Variants in NR1D2 observed in about 807,000 individuals in gnomAD.
The protein encoded by NR1D2 is V-erbA-related protein 1-related.
In NR1D2, 25 loss-of-function variants were observed where a neutral mutation model predicts 52.2. The observed-to-expected ratio is 0.48, with a 90% CI of 0.35 to 0.67. The LOEUF is 0.67. Ranked by LOEUF, NR1D2 falls within the 30% of genes least tolerant of loss-of-function variation. The pLI is 0.01. For missense variants in NR1D2, 681 were observed against 707.2 expected, an observed-to-expected ratio of 0.96 and a Z score of 0.42; for synonymous variants, 259 against 230.1, an observed-to-expected ratio of 1.13 and a Z score of -1.14.
At chr3:23,968,262 T>G (rs1427096293) in intron 7 of NR1D2, among the ~76,000 whole-genome samples, 2 of 152,240 alleles carry the variant, frequency 1.3e-5, no homozygotes, top group Non-Finnish European at 2.9e-5. Context: ...CCACTGTTAG[T>G]CTTTAGCTTT....
At chr3:23,955,107 A>C (rs1230287609) in intron 2 of NR1D2, among the ~76,000 whole-genome samples, 2 of 152,232 alleles carry the variant, frequency 1.3e-5, no homozygotes, top group African/African-American at 4.8e-5. Context: ...ACTAGAACTA[A>C]GTCTTGTTTC....
intron 1 of NR1D2, 78 bp downstream of exon 1, chr3:23,945,672 G>A: frequency 1.3e-6 from 1 of 776,726 alleles, no homozygotes. Flanking sequence ...GGGGGCGGCG[G>A]CAGGGGGTGT....
intron 1 of NR1D2, chr3:23,946,165 T>C (rs1344976375): frequency 1.0e-6 from 1 of 984,580 alleles, no homozygotes; most frequent in Non-Finnish European, 1.2e-6. Context: ...AGGCCGCGCG[T>C]GCGCGCCCGC....
At chr3:23,948,855 G>C (rs1705849093) in intron 1 of NR1D2, among the ~76,000 whole-genome samples, 1 of 152,174 alleles carries the variant, frequency 6.6e-6, no homozygotes, top group Non-Finnish European at 1.5e-5. Flanking sequence ...GTCTTCTTGA[G>C]GGTGAAGGAG....
chr3:23,968,156 C>T (rs1000525911), intron 7 of NR1D2, 133 bp downstream of exon 7: 3 of 664,224 alleles, frequency 4.5e-6, no homozygotes, highest in African/African-American at 1.8e-5. Context: ...AATTGTATGA[C>T]CCTGTTATTT....
chr3:23,971,300 C>G lies in NR1D2; in HGVS notation c.1543+3277C>G, dbSNP rs1434219074. Among the ~76,000 whole-genome samples, 6 of 126,142 alleles carry G rather than the reference C, an allele frequency of 4.8e-5. No homozygotes were observed. In the South Asian group the frequency reaches 8.7e-4, roughly 18 times the overall value. 82.8% of individuals were successfully genotyped at this position (126,142 alleles called of 152,430 possible). On this transcript the variant is annotated intron_variant, in intron 7 of 7. Coordinates refer to ENST00000312521, the MANE Select transcript of NR1D2 (RefSeq NM_005126.5). ...TGAATATAATGCTTATATCTCTATACCTATTTTTTTTTTTTTTTTTTTTGA... is the reference window on the plus strand; with the variant it reads ...TGAATATAATGCTTATATCTCTATAGCTATTTTTTTTTTTTTTTTTTTTGA...
At chr3:23,963,512 C>A in intron 5 of NR1D2, 2 of 508,982 alleles carry the variant, frequency 3.9e-6, no homozygotes, top group Non-Finnish European at 5.1e-6. Context: ...TGCGGTGGCG[C>A]GACCTCAGCT....
intron 6 of NR1D2, among the ~76,000 whole-genome samples, chr3:23,967,565 A>G (rs1013254254): frequency 2.6e-5 from 4 of 152,074 alleles, no homozygotes; most frequent in Non-Finnish European, 5.9e-5. Flanking sequence ...GCAGTGAGCC[A>G]AGATCATGCC....
chr3:23,950,991 C>T (rs764348012), intron 1 of NR1D2, among the ~76,000 whole-genome samples: 3 of 150,858 alleles, frequency 2.0e-5, no homozygotes, highest in African/African-American at 7.3e-5. Flanking sequence ...CCGCAACCTC[C>T]GCCTCCCGGG....
At chr3:23,970,371 A>G (rs1423037669) in intron 7 of NR1D2, among the ~76,000 whole-genome samples, 1 of 152,214 alleles carries the variant, frequency 6.6e-6, no homozygotes, top group African/African-American at 2.4e-5. Flanking sequence ...TCAGGATAGG[A>G]ACATGATTTT....
At chr3:23,967,701 A>T in intron 6 of NR1D2, 112 bp from the exon 7 acceptor site, 2 of 790,020 alleles carry the variant, frequency 2.5e-6, no homozygotes, top group Admixed American at 2.9e-5. Context: ...TTTTTCTTTT[A>T]TAACTTTCTT....
At position 23,964,811 on chromosome 3, in the gene NR1D2, A is replaced by G. The variant is rs550244071; in HGVS notation, c.1147-166A>G. 9 of 519,870 alleles carry G rather than the reference A, an allele frequency of 1.7e-5. No homozygotes were observed. The South Asian group carries it at 1.9e-4, about 11-fold the overall frequency. The allele number at this position is 519,870 out of a possible 1,614,324, so 32.2% of individuals were successfully genotyped here. A position where few individuals can be genotyped will look rare whatever the true frequency, so the allele number is the denominator to read the frequency against. ...ATATTAGGTTGCCAAGAGGCTTTCT[A>G]CAGTATGGTGGGCAGCAAATGGATG... On this transcript the variant is annotated intron_variant, in intron 5 of 7. Transcript: ENST00000312521.
At chr3:23,975,276 C>A (rs1219165458) in intron 7 of NR1D2, among the ~76,000 whole-genome samples, 1 of 151,050 alleles carries the variant, frequency 6.6e-6, no homozygotes, top group Non-Finnish European at 1.5e-5. Context: ...TGTCACCATG[C>A]CCATTCAATT....
At position 23,977,423 on chromosome 3, in the gene NR1D2, C is replaced by G; in HGVS notation, c.*4C>G. The G allele has an allele frequency of 1.3e-6, 2 of 1,567,744 alleles. No homozygotes were observed. The highest frequency in any genetic ancestry group is 1.7e-6 in the Non-Finnish European group (2 of 1,158,742). On this transcript the variant is annotated 3_prime_UTR_variant, in exon 8 of 8. Transcript: ENST00000312521. ...GGCCTTTAAAGTTCACCCTTAAGGC[C>G]TTTGTTTATTTAAACATGAACTGAT...
chr3:23,961,164 G>A (rs953614974), intron 4 of NR1D2, among the ~76,000 whole-genome samples: 1 of 151,838 alleles, frequency 6.6e-6, no homozygotes, highest in Non-Finnish European at 1.5e-5. Context: ...TTCATAGTTA[G>A]ATCTTGAGAG....
rs1706757102 is a variant in NR1D2 at position 23,977,325 on chromosome 3, C to G, written c.1646C>G (p.Ser549Cys). 1 of 1,613,638 alleles carries G rather than the reference C, an allele frequency of 6.2e-7. No homozygotes were observed. The highest frequency in any genetic ancestry group is 8.5e-7 in the Non-Finnish European group (1 of 1,179,684). ...LIMKNHPNEA[S>C]IFTKLLLKLP... ...ATGAAAAACCATCCAAATGAGGCCT[C>G]TATTTTTACAAAACTGCTTCTAAAG... Residue 549 changes from serine (S) to cysteine (C), a missense_variant, in exon 8 of 8, where the codon TCT (serine) becomes TGT (cysteine). Physicochemically the swap from Ser to Cys is moderately radical, Grantham distance 112. Transcript: ENST00000312521.
intron 6 of NR1D2, among the ~76,000 whole-genome samples, chr3:23,966,387 CTT>C (rs1706451881): frequency 6.6e-6 from 1 of 152,206 alleles, no homozygotes; most frequent in African/African-American, 2.4e-5. Flanking sequence ...TGGATAGTCT[CTT>C]TGGGTGTTGG....
At chr3:23,950,021 A>G (rs1471254873) in intron 1 of NR1D2, among the ~76,000 whole-genome samples, 3 of 152,244 alleles carry the variant, frequency 2.0e-5, no homozygotes, top group East Asian at 3.8e-4. Flanking sequence ...AACTGAAAAT[A>G]GAGAAGACTG....
intron 7 of NR1D2, among the ~76,000 whole-genome samples, chr3:23,971,303 A>ATTTTTTTTTT (rs11457044): frequency 4.1e-5 from 5 of 123,118 alleles, no homozygotes; most frequent in African/African-American, 1.6e-4. Context: ...CTCTATACCT[A>ATTTTTTTTTT]TTTTTTTTTT....
Sources: allele counts gnomAD v4.1 joint callset (sites outside exome capture counted in the v4.1 genomes callset), GRCh38; gene constraint gnomAD v4.1.1; transcripts MANE v1.5; gene names NCBI Gene and HGNC (gene_info 2026-07-23, HGNC 2026-07-21).